Variants in FRMPD4 observed in about 807,000 individuals in gnomAD.
The protein encoded by FRMPD4 is FERM and PDZ domain-containing protein 4.
In FRMPD4, 22 loss-of-function variants were observed where a neutral mutation model predicts 94.1. The observed-to-expected ratio is 0.23, with a 90% confidence interval of 0.17 to 0.33. The LOEUF (loss-of-function observed/expected upper bound fraction) is 0.33. FRMPD4 is among the 10% of genes least tolerant of loss of function. FRMPD4 has a pLI of 1.00. For synonymous variants in FRMPD4, 631 were observed against 548.6 expected, an observed-to-expected ratio of 1.15 and a Z score of -2.10; for missense variants, 1,111 against 1,339.9, an observed-to-expected ratio of 0.83 and a Z score of 2.67.
chrX:12,270,991 A>G, intron 1 of FRMPD4, among the ~76,000 whole-genome samples: 1 of 112,184 alleles, frequency 8.9e-6, no homozygotes, highest in Middle Eastern at 4.2e-3. Context: ...TAAAAAATCA[A>G]AACAACCAGG....
intron 3 of FRMPD4, among the ~76,000 whole-genome samples, chrX:11,893,695 T>C (rs1164483531): frequency 8.9e-6 from 1 of 111,861 alleles, no homozygotes; most frequent in Non-Finnish European, 1.9e-5. Flanking sequence ...CTGTCTTTGG[T>C]GAGTTAAATG....
intron 4 of FRMPD4, among the ~76,000 whole-genome samples, chrX:12,626,889 G>A (rs2059351806): frequency 9.1e-6 from 1 of 109,989 alleles, no homozygotes; most frequent in South Asian, 4.0e-4. Context: ...TCATGTTCCA[G>A]GGGCATTCTG....
chrX:12,499,858 G>A (rs2057897497), intron 2 of FRMPD4, among the ~76,000 whole-genome samples: 1 of 111,894 alleles, frequency 8.9e-6, no homozygotes. Flanking sequence ...ATCAATTTGA[G>A]TCCCTGCTTT....
rs769660199 is a variant in FRMPD4 at position 12,331,283 on chromosome X, A to G, written c.42-167397A>G. Among the ~76,000 whole-genome samples, 3 of 106,408 alleles carry G rather than the reference A, an allele frequency of 2.8e-5. No individual in the cohort carries two copies. The East Asian group carries it at 8.8e-4, about 31-fold the overall frequency. The allele number at this position is 106,408 out of a possible 115,157, so 92.4% of individuals were successfully genotyped here. A position where few individuals can be genotyped will look rare whatever the true frequency, so the allele number is the denominator to read the frequency against. ...TTGTCCATTTTGAAAGTGATATAAC[A>G]TTATAAAGACATTAAGGTTAATCCT... is the stretch of plus-strand genomic sequence containing the variant. On this transcript the variant is annotated intron_variant, in intron 1 of 16. Transcript: ENST00000675598.
chrX:12,286,688 CT>C (rs2054605177), intron 1 of FRMPD4, among the ~76,000 whole-genome samples: 1 of 111,643 alleles, frequency 9.0e-6, no homozygotes, highest in Non-Finnish European at 1.9e-5. Flanking sequence ...TTATGATAGA[CT>C]TTTTGGAAAT....
chrX:11,874,779 T>C (rs1335256255), intron 2 of FRMPD4, among the ~76,000 whole-genome samples: 5 of 111,240 alleles, frequency 4.5e-5, no homozygotes, highest in Non-Finnish European at 9.4e-5. Context: ...TCCTAGAAAA[T>C]GGCCTGTGAA....
chrX:12,214,297 C>T (rs748453343), intron 1 of FRMPD4, among the ~76,000 whole-genome samples: 44 of 111,175 alleles, frequency 4.0e-4, no homozygotes, highest in Non-Finnish European at 6.2e-4. Context: ...ATTCTCTTGC[C>T]GTTGAATAAG....
rs772666751 is a variant in FRMPD4 at position 12,672,526 on chromosome X, G to A, written c.423-2337G>A. 5.4e-5 allele frequency among the ~76,000 whole-genome samples: 6 copies of A among 112,144 alleles called. No homozygotes were observed. The East Asian group carries it at 1.4e-3, about 26-fold the overall frequency. On this transcript the variant is annotated intron_variant, in intron 4 of 16. Transcript: ENST00000675598. ...CTGCTTCTGACAGCCTCTTCCTGCTGCCTTTTTTTTCAGTTTGTAATGAAG... is the reference window on the plus strand; with the variant it reads ...CTGCTTCTGACAGCCTCTTCCTGCTACCTTTTTTTTCAGTTTGTAATGAAG...
chrX:11,952,529 G>C (rs929167022), intron 3 of FRMPD4, among the ~76,000 whole-genome samples: 4 of 112,371 alleles, frequency 3.6e-5, no homozygotes, highest in African/African-American at 1.3e-4. Context: ...GTGGGACCTG[G>C]CAGCCATCCA....
intron 5 of FRMPD4, among the ~76,000 whole-genome samples, chrX:12,676,372 C>A (rs2059899703): frequency 8.9e-6 from 1 of 112,723 alleles, no homozygotes; most frequent in Non-Finnish European, 1.9e-5. Flanking sequence ...TTGCAGTGGA[C>A]AAATTCATTT....
intron 1 of FRMPD4, among the ~76,000 whole-genome samples, chrX:12,415,627 A>G (rs926889145): frequency 1.8e-5 from 2 of 111,716 alleles, no homozygotes; most frequent in Admixed American, 1.9e-4. Flanking sequence ...CCCAATTGCT[A>G]TTTAAATATG....
At chrX:12,073,868 T>A (rs1300017359) in intron 3 of FRMPD4, among the ~76,000 whole-genome samples, 1 of 112,050 alleles carries the variant, frequency 8.9e-6, no homozygotes, top group Non-Finnish European at 1.9e-5. Flanking sequence ...CATGTCCAAC[T>A]CTCATTTTTG....
At chrX:11,837,448 C>T (rs1391595902) in intron 1 of FRMPD4, among the ~76,000 whole-genome samples, 1 of 111,243 alleles carries the variant, frequency 9.0e-6, no homozygotes, top group Non-Finnish European at 1.9e-5. Flanking sequence ...TCCAAAAAAG[C>T]TTAGGTTCCT....
At chrX:11,978,096 G>C (rs2054376438) in intron 3 of FRMPD4, among the ~76,000 whole-genome samples, 1 of 108,909 alleles carries the variant, frequency 9.2e-6, no homozygotes, top group Non-Finnish European at 1.9e-5. Context: ...GCCGAGGTGG[G>C]CGGATTACGA....
intron 3 of FRMPD4, among the ~76,000 whole-genome samples, chrX:12,089,496 G>T (rs1428461696): frequency 8.9e-6 from 1 of 111,959 alleles, no homozygotes; most frequent in East Asian, 2.8e-4. Context: ...AACCATGCTG[G>T]TGGGTGTGTA....
intron 1 of FRMPD4, among the ~76,000 whole-genome samples, chrX:12,234,168 G>A (rs1488248113): frequency 9.0e-6 from 1 of 111,214 alleles, no homozygotes; most frequent in Non-Finnish European, 1.9e-5. Context: ...TTAGGGCAGA[G>A]TGCAAGGGGA....
chrX:12,262,517 T>G (rs773510278), intron 1 of FRMPD4, among the ~76,000 whole-genome samples: 5 of 112,104 alleles, frequency 4.5e-5, no homozygotes, highest in Non-Finnish European at 9.4e-5. Flanking sequence ...TATTTAATCA[T>G]CTGTAAATAG....
At chrX:12,460,500 A>G (rs1007886044) in intron 1 of FRMPD4, among the ~76,000 whole-genome samples, 2 of 111,906 alleles carry the variant, frequency 1.8e-5, no homozygotes, top group East Asian at 2.8e-4. Flanking sequence ...TTCCAACTAC[A>G]TATGTCTTTT....
At chrX:12,325,359 C>T (rs1024511982) in intron 1 of FRMPD4, among the ~76,000 whole-genome samples, 6 of 112,631 alleles carry the variant, frequency 5.3e-5, no homozygotes, top group African/African-American at 1.9e-4. Flanking sequence ...AAAAATTTGC[C>T]ATCTGGCCTT....
Sources: allele counts gnomAD v4.1 joint callset (sites outside exome capture counted in the v4.1 genomes callset), GRCh38; gene constraint gnomAD v4.1.1; transcripts MANE v1.5; gene names NCBI Gene and HGNC (gene_info 2026-07-23, HGNC 2026-07-21).